Variants in NAPB observed in about 807,000 individuals in gnomAD.
The protein encoded by NAPB is NSF attachment protein beta.
A neutral mutation model predicts 44.7 loss-of-function variants in NAPB; 26 were observed. The observed-to-expected ratio is 0.58, with a 90% CI of 0.43 to 0.81. The LOEUF is 0.81. Among genes scored for constraint, NAPB ranks in the 30% least tolerant of loss-of-function variants. The pLI is 0.00. For missense variants in NAPB, 315 were observed against 356.4 expected, an observed-to-expected ratio of 0.88 and a Z score of 0.94; for synonymous variants, 120 against 116.8, an observed-to-expected ratio of 1.03 and a Z score of -0.18.
intron 7 of NAPB, among the ~76,000 whole-genome samples, chr20:23,387,641 G>A (rs1273866716): frequency 4.0e-5 from 6 of 151,026 alleles, no homozygotes; most frequent in African/African-American, 4.9e-5. Context: ...TTGTAGTAGC[G>A]TCAAAAAAAA....
chr20:23,413,909 A>G (rs886446033), intron 1 of NAPB, among the ~76,000 whole-genome samples: 1 of 152,166 alleles, frequency 6.6e-6, no homozygotes, highest in Non-Finnish European at 1.5e-5. Context: ...CCAAAAAAAA[A>G]AAAAGAAAAA....
intron 1 of NAPB, among the ~76,000 whole-genome samples, chr20:23,417,408 C>A (rs866368090): frequency 8.5e-5 from 13 of 152,286 alleles, no homozygotes; most frequent in South Asian, 4.1e-4. Context: ...TAAGCACTTT[C>A]TTCTATGTGC....
intron 5 of NAPB, among the ~76,000 whole-genome samples, chr20:23,393,136 C>T (rs1984094429): frequency 6.6e-6 from 1 of 152,150 alleles, no homozygotes. Flanking sequence ...CCCTCCCATT[C>T]CATCATCAAT....
chr20:23,388,665 T>C (rs1983710541), intron 7 of NAPB, among the ~76,000 whole-genome samples: 1 of 152,134 alleles, frequency 6.6e-6, no homozygotes, highest in Non-Finnish European at 1.5e-5. Context: ...TAAAATATAG[T>C]TCTATTCAAC....
At chr20:23,408,002 G>A (rs1985372091) in intron 1 of NAPB, among the ~76,000 whole-genome samples, 2 of 152,176 alleles carry the variant, frequency 1.3e-5, no homozygotes, top group Non-Finnish European at 2.9e-5. Flanking sequence ...CACATCATGA[G>A]ATGTACCTCA....
chr20:23,400,559 T>C (rs2424535), intron 2 of NAPB, among the ~76,000 whole-genome samples: 46,738 of 151,994 alleles, frequency 0.31, 7,280 homozygotes, highest in Middle Eastern at 0.38. Flanking sequence ...AAGGATCATA[T>C]ATTAAATTAA....
chr20:23,407,902 T>C (rs150873870), intron 1 of NAPB, among the ~76,000 whole-genome samples: 1 of 152,316 alleles, frequency 6.6e-6, no homozygotes, highest in African/African-American at 2.4e-5. Flanking sequence ...TGCAGAGCAT[T>C]GTAAAACTAT....
In NAPB at chr20:23,376,545, A is replaced by C. The variant is rs1982534371; in HGVS notation, c.*831T>G. 6.6e-6 allele frequency: 1 copy of C among 152,394 alleles called. No individual in the cohort carries two copies. The highest frequency in any genetic ancestry group is 1.9e-4 in the East Asian group (1 of 5,188). 9.4% of individuals were successfully genotyped at this position (152,394 alleles called of 1,614,324 possible). On this transcript the variant is annotated 3_prime_UTR_variant, in exon 11 of 11. Coordinates refer to ENST00000377026, the MANE Select transcript of NAPB (RefSeq NM_022080.3). ...CACCTCAACGTGGGAAAGTGTATAA[A>C]CATGAAAATAATGAGCAGGCTATGC... is the stretch of plus-strand genomic sequence containing the variant.
At chr20:23,408,714 A>C (rs1256894566) in intron 1 of NAPB, among the ~76,000 whole-genome samples, 2 of 152,188 alleles carry the variant, frequency 1.3e-5, no homozygotes, top group Non-Finnish European at 2.9e-5. Context: ...CGTGGAGGAG[A>C]TGCAGAGGCC....
At chr20:23,403,403 G>A (rs1482357262) in intron 1 of NAPB, among the ~76,000 whole-genome samples, 1 of 152,144 alleles carries the variant, frequency 6.6e-6, no homozygotes, top group Non-Finnish European at 1.5e-5. Flanking sequence ...AGGTGTTCGA[G>A]ACCAGCCTGG....
Position 23,421,486 on chromosome 20 carries a change from G to T in NAPB, c.-84C>A. On this transcript the variant is annotated 5_prime_UTR_variant, in exon 1 of 11. Coordinates refer to ENST00000377026, the MANE Select transcript of NAPB (RefSeq NM_022080.3). ...TAACCCTCCCTCTGGCGGCCGCAGGGACGCAGGCGCAGGCGCGACGCGCGA... is the reference window on the plus strand; with the variant it reads ...TAACCCTCCCTCTGGCGGCCGCAGGTACGCAGGCGCAGGCGCGACGCGCGA... 3 of 1,285,102 alleles carry T rather than the reference G, an allele frequency of 2.3e-6. No individual in the cohort carries two copies. The highest frequency in any genetic ancestry group is 2.1e-6 in the Non-Finnish European group (2 of 945,156). The allele number at this position is 1,285,102 out of a possible 1,614,324, so 79.6% of individuals were successfully genotyped here.
At chr20:23,385,763 A>C (rs201161859) in intron 7 of NAPB, among the ~76,000 whole-genome samples, 1 of 149,178 alleles carries the variant, frequency 6.7e-6, no homozygotes, top group Non-Finnish European at 1.5e-5. Context: ...GAAAGAGAGA[A>C]AGAGAGAGAG....
chr20:23,401,311 T>C (rs1306510864), intron 2 of NAPB, among the ~76,000 whole-genome samples: 2 of 152,198 alleles, frequency 1.3e-5, no homozygotes, highest in African/African-American at 4.8e-5. Flanking sequence ...ACTGGAACGC[T>C]AGGCACGTGG....
chr20:23,379,427 C>T lies in NAPB; in HGVS notation c.786+18G>A. On this transcript the variant is annotated intron_variant, in intron 10 of 10. Transcript: ENST00000377026. ...TAAATCTTCAAATAATGTACCATGT[C>T]CCAAAAGCATAACTTACTGCTTCAG... is the stretch of plus-strand genomic sequence containing the variant. 6.3e-7 allele frequency: 1 copy of T among 1,582,962 alleles called. No homozygotes were observed. Among genetic ancestry groups the T allele is most frequent in the Non-Finnish European group, 8.6e-7 (1 of 1,166,342 alleles).
At chr20:23,418,212 T>G (rs776357751) in intron 1 of NAPB, among the ~76,000 whole-genome samples, 2 of 152,234 alleles carry the variant, frequency 1.3e-5, no homozygotes, top group Non-Finnish European at 2.9e-5. Context: ...GTATGTGTGT[T>G]TTATTAATTT....
At chr20:23,381,922 G>T (rs1377028411) in intron 7 of NAPB, among the ~76,000 whole-genome samples, 1 of 152,178 alleles carries the variant, frequency 6.6e-6, no homozygotes, top group African/African-American at 2.4e-5. Context: ...ATTCTTGAAA[G>T]ACTGTAAGAA....
chr20:23,413,520 T>C (rs1460975295), intron 1 of NAPB, among the ~76,000 whole-genome samples: 3 of 151,866 alleles, frequency 2.0e-5, no homozygotes, highest in African/African-American at 7.3e-5. Flanking sequence ...AAGATAAAAG[T>C]ATAAGTCAGT....
Position 23,375,414 on chromosome 20 carries a change from A to C in NAPB, c.*1962T>G, listed in dbSNP as rs954684218. ...ACCAGAAGATTCTTTAAACAAGTAG[A>C]AACAAACTACTTAAAACCAGAGGAC... is the stretch of plus-strand genomic sequence containing the variant. On this transcript the variant is annotated 3_prime_UTR_variant, in exon 11 of 11. Coordinates refer to ENST00000377026, the MANE Select transcript of NAPB (RefSeq NM_022080.3). 2 of 152,240 alleles carry C rather than the reference A, an allele frequency of 1.3e-5. No individual in the cohort carries two copies. The highest frequency in any genetic ancestry group is 4.8e-5 in the African/African-American group (2 of 41,452). 9.4% of individuals were successfully genotyped at this position (152,240 alleles called of 1,614,324 possible).
intron 5 of NAPB, 23 bp downstream of exon 5, chr20:23,394,899 G>A (rs746639222): frequency 6.2e-7 from 1 of 1,606,852 alleles, no homozygotes; most frequent in Non-Finnish European, 8.5e-7. Context: ...CTTCACATCT[G>A]AGGAAGTGTG....
Sources: gnomAD v4.1 joint callset for allele counts (sites outside exome capture counted in the v4.1 genomes callset) on GRCh38, gnomAD v4.1.1 for gene constraint, MANE v1.5 for transcripts, NCBI Gene and HGNC (gene_info 2026-07-23, HGNC 2026-07-21) for gene names.